Variants in MLIP observed in about 807,000 individuals in gnomAD.
MLIP encodes muscular LMNA interacting protein.
MLIP carries 79 observed loss-of-function variants against 84.8 expected under a neutral mutation model. That is an observed-to-expected ratio of 0.93 (90% CI 0.78 to 1.12). The LOEUF (loss-of-function observed/expected upper bound fraction) is 1.12, where lower values mean the gene tolerates loss of function less well. Among genes scored for constraint, MLIP ranks in the 50% most tolerant of loss-of-function variants. MLIP has a pLI of 0.00. For missense variants in MLIP, 1,257 were observed against 1,160.6 expected (o/e 1.08, Z -1.21); for synonymous variants, 504 against 463.0 (o/e 1.09, Z -1.14).
intron 1 of MLIP, among the ~76,000 whole-genome samples, chr6:54,063,544 G>C (rs1333623911): frequency 3.3e-5 from 5 of 152,050 alleles, no homozygotes; most frequent in Non-Finnish European, 7.4e-5. Flanking sequence ...TTATCCTTTA[G>C]GTGTAAATGT....
At chr6:54,213,346 T>C (rs938488080) in intron 11 of MLIP, among the ~76,000 whole-genome samples, 6 of 152,162 alleles carry the variant, frequency 3.9e-5, no homozygotes, top group Non-Finnish European at 8.8e-5. Flanking sequence ...ATATAAATGC[T>C]TCATTTAATG....
At chr6:54,047,058 C>T (rs756577872) in intron 1 of MLIP, 2 of 152,126 alleles carry the variant, frequency 1.3e-5, no homozygotes, top group Non-Finnish European at 2.9e-5. Flanking sequence ...TATTCATGAC[C>T]AAGATATTAA....
chr6:54,042,606 T>C (rs1013944460), intron 1 of MLIP, among the ~76,000 whole-genome samples: 1 of 152,134 alleles, frequency 6.6e-6, no homozygotes, highest in Admixed American at 6.6e-5. Context: ...TGTGAAGCAG[T>C]ATTCTGTGAC....
At chr6:54,105,605 G>C (rs182075124) in intron 1 of MLIP, among the ~76,000 whole-genome samples, 123 of 152,252 alleles carry the variant, frequency 8.1e-4, no homozygotes, top group African/African-American at 2.9e-3. Flanking sequence ...GAAGAAACAA[G>C]CATCAGAGGT....
intron 1 of MLIP, among the ~76,000 whole-genome samples, chr6:54,037,695 G>A (rs1341335249): frequency 6.6e-6 from 1 of 151,888 alleles, no homozygotes; most frequent in African/African-American, 2.4e-5. Context: ...GCAGCCTAGG[G>A]TTACATTTTG....
Position 54,230,806 on chromosome 6 carries a change from C to A in MLIP, c.2811C>A (p.Thr937=). ...PPAKSLLHPQ[T]LSHADCLAPG... is the part of the protein sequence containing the mutation. The stretch of plus-strand genomic sequence containing the variant: ...CTAAGTCACTGCTGCATCCACAGAC[C>A]CTCTCACATGCTGACTGTCTTGCCC... The change falls in exon 12 of 14, where the codon ACC becomes ACA. Residue 937 remains threonine, a synonymous_variant. Coordinates refer to ENST00000502396, the MANE Select transcript of MLIP (RefSeq NM_001281747.2). The A allele has an allele frequency of 6.2e-7, 1 of 1,613,976 alleles. No individual in the cohort carries two copies. Among genetic ancestry groups the A allele is most frequent in the Non-Finnish European group, 8.5e-7 (1 of 1,179,974 alleles).
chr6:54,070,314 G>T (rs1020441167), intron 1 of MLIP, among the ~76,000 whole-genome samples: 4 of 152,112 alleles, frequency 2.6e-5, no homozygotes, highest in Non-Finnish European at 5.9e-5. Flanking sequence ...AGATTTTTTT[G>T]TATTTTTATT....
intron 4 of MLIP, among the ~76,000 whole-genome samples, chr6:54,148,488 G>A (rs1773093343): frequency 6.6e-6 from 1 of 152,008 alleles, no homozygotes; most frequent in South Asian, 2.1e-4. Flanking sequence ...TGTACTTTTT[G>A]TTTTTCTTTA....
rs1783668341 is a variant in MLIP at position 54,266,089 on chromosome 6, A to C, written c.*134A>C. 2 of 747,244 alleles carry C rather than the reference A, an allele frequency of 2.7e-6. No individual in the cohort carries two copies. The highest frequency in any genetic ancestry group is 3.6e-5 in the African/African-American group (2 of 55,298). 46.3% of individuals were successfully genotyped at this position (747,244 alleles called of 1,614,324 possible). A position where few individuals can be genotyped will look rare whatever the true frequency, so the allele number is the denominator to read the frequency against. ...TTATGAGCTGCAGTGCAGCAGAACC[A>C]AAAAAAAAGTTTGCTGCAATTATAT... On this transcript the variant is annotated 3_prime_UTR_variant, in exon 14 of 14. Transcript: ENST00000502396.
At chr6:54,087,099 G>A (rs1404605737) in intron 1 of MLIP, among the ~76,000 whole-genome samples, 7 of 152,116 alleles carry the variant, frequency 4.6e-5, no homozygotes, top group Admixed American at 4.6e-4. Flanking sequence ...ATAACACCTG[G>A]CACCTAGCCA....
chr6:54,185,035 G>A (rs1777253894), intron 9 of MLIP, among the ~76,000 whole-genome samples: 1 of 152,136 alleles, frequency 6.6e-6, no homozygotes, highest in Non-Finnish European at 1.5e-5. Context: ...AGGTGATGCA[G>A]GTGTTCAAAT....
intron 1 of MLIP, among the ~76,000 whole-genome samples, chr6:54,084,494 G>A (rs1405795991): frequency 2.0e-5 from 3 of 152,140 alleles, no homozygotes; most frequent in African/African-American, 7.2e-5. Flanking sequence ...AAATAAGACA[G>A]GGAGAGGGTA....
intron 12 of MLIP, among the ~76,000 whole-genome samples, chr6:54,252,279 C>T (rs181823877): frequency 9.4e-6 from 1 of 105,978 alleles, no homozygotes; most frequent in East Asian, 3.1e-4. Flanking sequence ...TATAATATAA[C>T]TATAATATAT....
chr6:54,134,482 TATAAAC>T (rs1400979159), intron 3 of MLIP, among the ~76,000 whole-genome samples: 5 of 151,894 alleles, frequency 3.3e-5, no homozygotes, highest in African/African-American at 1.2e-4. Flanking sequence ...TGCAGATTAA[TATAAAC>T]ATGGTAAACA....
intron 1 of MLIP, among the ~76,000 whole-genome samples, chr6:54,056,879 A>G (rs530281874): frequency 3.3e-5 from 5 of 152,376 alleles, no homozygotes; most frequent in African/African-American, 1.2e-4. Flanking sequence ...AAAATATTCC[A>G]AAGCATTTTT....
At chr6:54,134,168 G>A (rs1771618016) in intron 3 of MLIP, among the ~76,000 whole-genome samples, 2 of 152,086 alleles carry the variant, frequency 1.3e-5, no homozygotes, top group African/African-American at 4.8e-5. Flanking sequence ...TTTACAGGAA[G>A]AGGTAAAATG....
At chr6:54,061,979 A>G (rs1765990355) in intron 1 of MLIP, among the ~76,000 whole-genome samples, 1 of 152,286 alleles carries the variant, frequency 6.6e-6, no homozygotes, top group African/African-American at 2.4e-5. Context: ...TTGCTTTGAA[A>G]TGTACTTATT....
At chr6:54,070,264 C>T (rs1766404875) in intron 1 of MLIP, among the ~76,000 whole-genome samples, 1 of 152,152 alleles carries the variant, frequency 6.6e-6, no homozygotes, top group Non-Finnish European at 1.5e-5. Context: ...TTCAAAGAGC[C>T]TTAGAATCGG....
intron 12 of MLIP, among the ~76,000 whole-genome samples, chr6:54,255,270 C>T (rs976236754): frequency 6.6e-6 from 1 of 152,196 alleles, no homozygotes; most frequent in Admixed American, 6.5e-5. Context: ...GTTCCACTCA[C>T]TAGTTTTGGG....
Sources: allele counts gnomAD v4.1 joint callset (sites outside exome capture counted in the v4.1 genomes callset), GRCh38; gene constraint gnomAD v4.1.1; transcripts MANE v1.5; gene names NCBI Gene and HGNC (gene_info 2026-07-23, HGNC 2026-07-21).